The following CCDC7 variants were observed in gnomAD, a reference collection of about 807,000 sequenced individuals.
CCDC7 encodes coiled-coil domain containing 7, also known as coiled-coil domain-containing protein 7.
In CCDC7, 183 loss-of-function variants were observed where a neutral mutation model predicts 196.9. The observed-to-expected ratio is 0.93, with a 90% CI of 0.82 to 1.05. The LOEUF (loss-of-function observed/expected upper bound fraction) is 1.05, where lower values mean the gene tolerates loss of function less well. Among genes scored for constraint, CCDC7 ranks in the 50% least tolerant of loss-of-function variants. The probability of loss-of-function intolerance (pLI) is 0.00; values close to 1 mark genes in which losing one functional copy is unlikely to be tolerated. For synonymous variants in CCDC7, 525 were observed against 484.6 expected (o/e 1.08, Z -1.10); for missense variants, 1,540 against 1,482.2 (o/e 1.04, Z -0.64).
At chr10:32,762,643 A>G (rs1428956880) in intron 28 of CCDC7, among the ~76,000 whole-genome samples, 2 of 151,732 alleles carry the variant, frequency 1.3e-5, no homozygotes, top group South Asian at 2.1e-4. Flanking sequence ...AAAAACAACT[A>G]TGGTACTGGT....
At position 32,835,341 on chromosome 10, in the gene CCDC7, T is replaced by C. The variant is rs546185649; in HGVS notation, c.3352+443T>C. On this transcript the variant is annotated intron_variant, in intron 33 of 41. Coordinates refer to ENST00000639629, the Ensembl canonical transcript of CCDC7. ...TGTGTGCTCATGTGTTAGATGCTTATATTTAGGATAGTTAGATCTTCTGGT... is the reference window on the plus strand; with the variant it reads ...TGTGTGCTCATGTGTTAGATGCTTACATTTAGGATAGTTAGATCTTCTGGT... Among the ~76,000 whole-genome samples, 5 of 152,196 alleles carry C rather than the reference T, an allele frequency of 3.3e-5. No individual in the cohort carries two copies. In the East Asian group the frequency reaches 9.6e-4, roughly 29 times the overall value.
chr10:32,813,990 G>A (rs570581445), intron 30 of CCDC7, among the ~76,000 whole-genome samples: 446 of 151,344 alleles, frequency 2.9e-3, no homozygotes, highest in African/African-American at 0.01. Context: ...ACAGAGTCTC[G>A]CTGTGTCACC....
chr10:32,741,603 G>A (rs10827118), intron 28 of CCDC7, among the ~76,000 whole-genome samples: 43,769 of 151,856 alleles, frequency 0.29, 6,387 homozygotes, highest in East Asian at 0.41. Context: ...AAAAAGCCAC[G>A]TATGAGTGGA....
At chr10:32,519,552 G>C (rs1304100075) in intron 11 of CCDC7, among the ~76,000 whole-genome samples, 1 of 151,188 alleles carries the variant, frequency 6.6e-6, no homozygotes, top group Non-Finnish European at 1.5e-5. Flanking sequence ...TGGTAGGTTA[G>C]ACTCTTACCC....
At chr10:32,575,278 A>G (rs191104749) in intron 16 of CCDC7, among the ~76,000 whole-genome samples, 30 of 152,312 alleles carry the variant, frequency 2.0e-4, no homozygotes, top group Non-Finnish European at 3.5e-4. Flanking sequence ...ATGAAAATGT[A>G]TGTTATAACT....
rs142744671 is a variant in CCDC7, at chr10:32,843,138, C to T, written c.3353-2105C>T. On this transcript the variant is annotated intron_variant, in intron 33 of 41. Transcript: ENST00000639629. Reference sequence around the variant, plus strand: ...ATTTAAAAAATAAAATAACACTGGACGGTAACTCAAATCCACCGGAACAAA... The same window carrying T: ...ATTTAAAAAATAAAATAACACTGGATGGTAACTCAAATCCACCGGAACAAA... Among the ~76,000 whole-genome samples the T allele has an allele frequency of 6.3e-3, 947 of 151,284 alleles. 10 individuals are homozygous for T. Among genetic ancestry groups the T allele is most frequent in the African/African-American group, 0.022 (898 of 41,292 alleles).
chr10:32,739,083 T>C (rs900107981), intron 28 of CCDC7, among the ~76,000 whole-genome samples: 1 of 152,162 alleles, frequency 6.6e-6, no homozygotes, highest in African/African-American at 2.4e-5. Flanking sequence ...TTTGATTTTC[T>C]GTAGTTTGAG....
Position 32,467,809 on chromosome 10 carries a change from C to T in CCDC7, c.511-3255C>T, listed in dbSNP as rs114646845. 8.6e-3 allele frequency among the ~76,000 whole-genome samples: 1,306 copies of T among 152,236 alleles called. 28 individuals are homozygous for T. The highest frequency in any genetic ancestry group is 0.029 in the African/African-American group (1,206 of 41,536). On this transcript the variant is annotated intron_variant, in intron 5 of 41. Transcript: ENST00000639629. ...GTTTAAATCTTCGGCACTTGGTTAA[C>T]CAGTTATCCCAGCCTCATTTATTGA... is the stretch of plus-strand genomic sequence containing the variant.
chr10:32,744,480 G>T (rs1018449973), intron 28 of CCDC7, among the ~76,000 whole-genome samples: 1 of 151,684 alleles, frequency 6.6e-6, no homozygotes, highest in African/African-American at 2.4e-5. Context: ...GTTCTTTTCT[G>T]CATTTATGTC....
upstream of CCDC7, among the ~76,000 whole-genome samples, chr10:32,450,795 G>C (rs947074087): frequency 6.6e-6 from 1 of 152,102 alleles, no homozygotes; most frequent in Non-Finnish European, 1.5e-5. Flanking sequence ...AAATATGGGG[G>C]AAAGATAGGA....
Position 32,572,351 on chromosome 10 carries a change from G to A in CCDC7, c.1454+458G>A, listed in dbSNP as rs2057680034. Among the ~76,000 whole-genome samples the A allele has an allele frequency of 2.6e-5, 4 of 152,184 alleles. No homozygotes were observed. In the South Asian group the frequency reaches 6.2e-4, roughly 24 times the overall value. ...TTGATTCATCCAATTAAATCTTATAGTTTTCACTAGTGAGTCTCTTTGATT... is the reference window on the plus strand; with the variant it reads ...TTGATTCATCCAATTAAATCTTATAATTTTCACTAGTGAGTCTCTTTGATT... On this transcript the variant is annotated intron_variant, in intron 16 of 41. Transcript: ENST00000639629.
chr10:32,616,933 A>C (rs1046778832), intron 18 of CCDC7, among the ~76,000 whole-genome samples: 1 of 151,540 alleles, frequency 6.6e-6, no homozygotes, highest in Non-Finnish European at 1.5e-5. Flanking sequence ...TTTTGTCCTT[A>C]ATGTTTATGT....
chr10:32,576,158 A>G (rs2058155328), intron 16 of CCDC7, among the ~76,000 whole-genome samples: 1 of 152,124 alleles, frequency 6.6e-6, no homozygotes, highest in South Asian at 2.1e-4. Context: ...CTGGAATGAT[A>G]GTTCAGTGGG....
chr10:32,571,000 A>C (rs1590032477), intron 15 of CCDC7, among the ~76,000 whole-genome samples: 1 of 126,902 alleles, frequency 7.9e-6, no homozygotes, highest in Non-Finnish European at 1.6e-5. Flanking sequence ...TTTTAAGGTC[A>C]CTGGCCTTTT....
At chr10:32,789,409 CAG>C (rs570039695) in intron 29 of CCDC7, among the ~76,000 whole-genome samples, 135 of 152,022 alleles carry the variant, frequency 8.9e-4, no homozygotes, top group African/African-American at 3.1e-3. Context: ...AAGAACCAGA[CAG>C]AAATTCTAGA....
intron 15 of CCDC7, 25 bp from the exon 17 acceptor site, chr10:32,571,834 A>T (rs370965559): frequency 1.2e-5 from 18 of 1,525,310 alleles, no homozygotes; most frequent in African/African-American, 8.5e-5. Context: ...TGATATTTTT[A>T]AATGTAGTAT....
intron 7 of CCDC7, 79 bp downstream of exon 8, chr10:32,472,621 G>A (rs1395815117): frequency 1.1e-5 from 14 of 1,271,274 alleles, no homozygotes; most frequent in South Asian, 1.8e-5. Context: ...TAAAGAGAGG[G>A]TCTCACTCTG....
intron 20 of CCDC7, among the ~76,000 whole-genome samples, chr10:32,651,621 G>T (rs1036089453): frequency 1.3e-5 from 2 of 152,172 alleles, no homozygotes; most frequent in Non-Finnish European, 2.9e-5. Flanking sequence ...GTATTTAAGG[G>T]TTCAGGGTGA....
At chr10:32,536,923 C>G (rs1258955537) in intron 11 of CCDC7, among the ~76,000 whole-genome samples, 1 of 152,120 alleles carries the variant, frequency 6.6e-6, no homozygotes, top group African/African-American at 2.4e-5. Context: ...GGTTGACTCC[C>G]TGTATTTGCT....
Sources: allele counts gnomAD v4.1 joint callset (sites outside exome capture counted in the v4.1 genomes callset), GRCh38; gene constraint gnomAD v4.1.1; transcripts MANE v1.5; gene names NCBI Gene and HGNC (gene_info 2026-07-23, HGNC 2026-07-21).